Variants in MARCHF1 observed in about 807,000 individuals in gnomAD.
The protein encoded by MARCHF1 is membrane associated ring-CH-type finger 1.
Under a neutral mutation model 54.2 loss-of-function variants are expected in MARCHF1, and 40 were observed. The ratio of observed to expected loss-of-function variants is 0.74; its 90% CI spans 0.57 to 0.96. The LOEUF (loss-of-function observed/expected upper bound fraction) is 0.96. MARCHF1 is among the 40% of genes least tolerant of loss of function. MARCHF1 has a pLI of 0.00. For synonymous variants in MARCHF1, 236 were observed against 236.3 expected (o/e 1.00, Z 0.01); for missense variants, 586 against 656.5 (o/e 0.89, Z 1.17).
chr4:163,650,183 G>A (rs1444801892), intron 5 of MARCHF1, among the ~76,000 whole-genome samples: 1 of 151,858 alleles, frequency 6.6e-6, no homozygotes, highest in Non-Finnish European at 1.5e-5. Context: ...TTAAAAAGCT[G>A]TATGGAAATC....
intron 4 of MARCHF1, chr4:163,829,025 G>A (rs1748938788): frequency 6.6e-6 from 1 of 152,178 alleles, no homozygotes; most frequent in African/African-American, 2.4e-5. Flanking sequence ...AGTTAGGGAA[G>A]GGCACTTGGC....
Position 164,050,800 on chromosome 4 carries a change from G to A in MARCHF1, c.-248+60788C>T, listed in dbSNP as rs186994654. Among the ~76,000 whole-genome samples, 17 of 152,260 alleles carry A rather than the reference G, an allele frequency of 1.1e-4. 1 individual carries two copies. Among genetic ancestry groups the A allele is most frequent in the African/African-American group, 3.1e-4 (13 of 41,538 alleles). ...ATACAAAAATTAGACGGGCGTGGTG[G>A]TGCATGCCTGTAATCCCAGATACTG... On this transcript the variant is annotated intron_variant, in intron 2 of 9. Coordinates refer to ENST00000514618, the MANE Select transcript of MARCHF1 (RefSeq NM_001394959.1).
At chr4:163,820,780 AT>A (rs1005407306) in intron 4 of MARCHF1, among the ~76,000 whole-genome samples, 16 of 151,690 alleles carry the variant, frequency 1.1e-4, no homozygotes, top group East Asian at 1.9e-4. Context: ...TATGCAAACA[AT>A]TTTTTTTCCA....
intron 3 of MARCHF1, among the ~76,000 whole-genome samples, chr4:163,972,013 C>T (rs1338703188): frequency 6.6e-6 from 1 of 152,120 alleles, no homozygotes; most frequent in Non-Finnish European, 1.5e-5. Context: ...GAATACTGTG[C>T]AGCAATAAAA....
At chr4:164,096,204 G>A (rs893814443) in intron 2 of MARCHF1, among the ~76,000 whole-genome samples, 2 of 152,016 alleles carry the variant, frequency 1.3e-5, no homozygotes, top group Non-Finnish European at 2.9e-5. Flanking sequence ...AAGAATATGT[G>A]GTACATATAT....
At chr4:164,153,590 C>A (rs1730000351) in intron 1 of MARCHF1, among the ~76,000 whole-genome samples, 1 of 152,028 alleles carries the variant, frequency 6.6e-6, no homozygotes, top group Non-Finnish European at 1.5e-5. Context: ...AATGGATTAA[C>A]TTTTTACAAA....
chr4:163,810,261 C>T (rs549576377), intron 4 of MARCHF1, among the ~76,000 whole-genome samples: 1 of 152,244 alleles, frequency 6.6e-6, no homozygotes, highest in East Asian at 1.9e-4. Flanking sequence ...AGTTCTTTAG[C>T]AATGCTAAAC....
intron 1 of MARCHF1, among the ~76,000 whole-genome samples, chr4:164,324,738 A>C (rs1187982073): frequency 6.6e-6 from 1 of 151,384 alleles, no homozygotes; most frequent in East Asian, 1.9e-4. Context: ...AAAAATATAA[A>C]ATCTTTAGAA....
chr4:164,376,164 C>T (rs6813840), intron 1 of MARCHF1, among the ~76,000 whole-genome samples: 4,951 of 152,194 alleles, frequency 0.033, 395 homozygotes, highest in Admixed American at 0.18. Context: ...CCAATAACTA[C>T]ATATTAAAGT....
intron 3 of MARCHF1, among the ~76,000 whole-genome samples, chr4:163,911,931 G>C (rs914868548): frequency 1.3e-5 from 2 of 152,158 alleles, no homozygotes; most frequent in African/African-American, 4.8e-5. Flanking sequence ...TCACCCATCT[G>C]TGGTACTATG....
chr4:164,375,637 A>G (rs188486349), intron 1 of MARCHF1, among the ~76,000 whole-genome samples: 121 of 152,274 alleles, frequency 7.9e-4, no homozygotes, highest in Non-Finnish European at 1.5e-3. Context: ...GATGGTCTGT[A>G]TTTGTTAGCA....
At chr4:163,770,643 G>T (rs1747132174) in intron 4 of MARCHF1, among the ~76,000 whole-genome samples, 1 of 151,342 alleles carries the variant, frequency 6.6e-6, no homozygotes, top group African/African-American at 2.4e-5. Flanking sequence ...TCAAAATCAG[G>T]TCTTTTTTTT....
At chr4:163,806,914 G>C (rs1197638947) in intron 4 of MARCHF1, among the ~76,000 whole-genome samples, 6 of 151,924 alleles carry the variant, frequency 3.9e-5, no homozygotes, top group East Asian at 1.9e-4. Context: ...TGAAAAAAAA[G>C]TACTAAAAAA....
At chr4:163,781,330 ACT>A (rs1275903009) in intron 4 of MARCHF1, among the ~76,000 whole-genome samples, 1 of 152,048 alleles carries the variant, frequency 6.6e-6, no homozygotes, top group Non-Finnish European at 1.5e-5. Context: ...AGCCTGGGAA[ACT>A]CTGTGAGACT....
intron 2 of MARCHF1, among the ~76,000 whole-genome samples, chr4:164,043,605 C>T (rs994875178): frequency 1.3e-5 from 2 of 152,124 alleles, no homozygotes; most frequent in Non-Finnish European, 2.9e-5. Flanking sequence ...GAGACATTTT[C>T]CCCACTGTCT....
chr4:164,169,463 A>T (rs1369358250), intron 1 of MARCHF1, among the ~76,000 whole-genome samples: 1 of 152,042 alleles, frequency 6.6e-6, no homozygotes, highest in Non-Finnish European at 1.5e-5. Context: ...TCACTTATAT[A>T]ATCAAGTTAT....
chr4:163,776,347 T>C (rs1747304681), intron 4 of MARCHF1, among the ~76,000 whole-genome samples: 1 of 151,448 alleles, frequency 6.6e-6, no homozygotes, highest in South Asian at 2.1e-4. Context: ...TCTCTGTCTC[T>C]GTCTCTTTCT....
At chr4:163,924,203 C>G (rs963996213) in intron 3 of MARCHF1, among the ~76,000 whole-genome samples, 18 of 152,036 alleles carry the variant, frequency 1.2e-4, no homozygotes, top group African/African-American at 3.4e-4. Flanking sequence ...AAAAGCACAG[C>G]ATGCTTTGCA....
In MARCHF1 at chr4:164,312,103, G is replaced by A. The variant is rs536310796; in HGVS notation, c.-323+71767C>T. 8.5e-5 allele frequency among the ~76,000 whole-genome samples: 13 copies of A among 152,084 alleles called. No homozygotes were observed. The East Asian group carries it at 2.5e-3, about 29-fold the overall frequency. The stretch of plus-strand genomic sequence containing the variant: ...AGATGGCATTAATTTTCTTGTTACC[G>A]CAGACTCAGATGAATCAGCTCTCGT... On this transcript the variant is annotated intron_variant, in intron 1 of 9. Coordinates refer to ENST00000514618, the MANE Select transcript of MARCHF1 (RefSeq NM_001394959.1).
Sources: gnomAD v4.1 joint callset for allele counts (sites outside exome capture counted in the v4.1 genomes callset) on GRCh38, gnomAD v4.1.1 for gene constraint, MANE v1.5 for transcripts, NCBI Gene and HGNC (gene_info 2026-07-23, HGNC 2026-07-21) for gene names.